Variants in NR5A2 observed in about 807,000 individuals in gnomAD.
NR5A2 encodes nuclear receptor subfamily 5 group A member 2, also known as CYP7A promoter-binding factor.
In NR5A2, 26 loss-of-function variants were observed where a neutral mutation model predicts 62.7. That is an observed-to-expected ratio of 0.41 (90% confidence interval 0.30 to 0.58). The LOEUF (loss-of-function observed/expected upper bound fraction) is 0.58. Among genes scored for constraint, NR5A2 ranks in the 20% least tolerant of loss-of-function variants. NR5A2 has a pLI of 0.22. For missense variants in NR5A2, 541 were observed against 669.1 expected, an observed-to-expected ratio of 0.81 and a Z score of 2.11; for synonymous variants, 246 against 241.7, an observed-to-expected ratio of 1.02 and a Z score of -0.16.
chr1:200,125,345 A>G (rs528887045), intron 7 of NR5A2, among the ~76,000 whole-genome samples: 2 of 152,324 alleles, frequency 1.3e-5, no homozygotes, highest in African/African-American at 4.8e-5. Context: ...AAAATGTTAT[A>G]TTTGTTCATC....
intron 6 of NR5A2, among the ~76,000 whole-genome samples, chr1:200,119,883 A>C (rs1414232643): frequency 1.3e-5 from 2 of 151,992 alleles, no homozygotes; most frequent in Non-Finnish European, 2.9e-5. Flanking sequence ...TGCTGGGATT[A>C]CAGGCATGAG....
chr1:200,097,820 T>G (rs1665171552), intron 5 of NR5A2, among the ~76,000 whole-genome samples: 1 of 152,166 alleles, frequency 6.6e-6, no homozygotes, highest in Non-Finnish European at 1.5e-5. Context: ...GCCTGCATAT[T>G]CTTCTCCTTT....
intron 7 of NR5A2, among the ~76,000 whole-genome samples, chr1:200,145,617 T>C (rs1312488173): frequency 1.3e-5 from 2 of 152,148 alleles, no homozygotes; most frequent in Non-Finnish European, 2.9e-5. Context: ...TAGGTTCTTA[T>C]GTTGCAGGTT....
At position 200,046,824 on chromosome 1, in the gene NR5A2, A is replaced by G. The variant is rs551080691; in HGVS notation, c.463+1240A>G. Among the ~76,000 whole-genome samples the G allele has an allele frequency of 3.3e-5, 5 of 152,340 alleles. No individual in the cohort carries two copies. In the East Asian group the frequency reaches 9.6e-4, roughly 29 times the overall value. Reference sequence around the variant, plus strand: ...CATGATGTCATTTAATTCCTTTTCAACAAAAATAATAAGGCTGCATTTCTT... The same window carrying G: ...CATGATGTCATTTAATTCCTTTTCAGCAAAAATAATAAGGCTGCATTTCTT... On this transcript the variant is annotated intron_variant, in intron 4 of 7. Transcript: ENST00000367362.
chr1:200,076,455 A>ATTTTT (rs11430284), intron 5 of NR5A2, among the ~76,000 whole-genome samples: 1 of 146,276 alleles, frequency 6.8e-6, no homozygotes. Context: ...ATGCCCAGGA[A>ATTTTT]TTTTTTTTTT....
intron 1 of NR5A2, among the ~76,000 whole-genome samples, chr1:200,034,404 T>C (rs1204231481): frequency 6.6e-6 from 1 of 152,128 alleles, no homozygotes; most frequent in Non-Finnish European, 1.5e-5. Flanking sequence ...CCCTGTTACA[T>C]TCTTCTAAGG....
chr1:200,173,071 T>C (rs1654254979), intron 7 of NR5A2, among the ~76,000 whole-genome samples: 1 of 152,174 alleles, frequency 6.6e-6, no homozygotes, highest in African/African-American at 2.4e-5. Flanking sequence ...CTATTGTCTG[T>C]GTGTGTGTTT....
chr1:200,105,196 G>GAATTC (rs1665589456), intron 5 of NR5A2, among the ~76,000 whole-genome samples: 1 of 152,224 alleles, frequency 6.6e-6, no homozygotes, highest in East Asian at 1.9e-4. Context: ...CTGGATGCAA[G>GAATTC]TGATCCTCCT....
At chr1:200,095,929 A>C (rs1665075759) in intron 5 of NR5A2, among the ~76,000 whole-genome samples, 2 of 152,196 alleles carry the variant, frequency 1.3e-5, no homozygotes, top group African/African-American at 4.8e-5. Flanking sequence ...GAAAAGTACT[A>C]CTAGATGGGC....
chr1:200,164,345 G>A (rs1335294725), intron 7 of NR5A2, among the ~76,000 whole-genome samples: 1 of 152,210 alleles, frequency 6.6e-6, no homozygotes, highest in Non-Finnish European at 1.5e-5. Context: ...GGGGCATCAG[G>A]AATTCGTTCT....
intron 6 of NR5A2, among the ~76,000 whole-genome samples, chr1:200,115,967 C>G (rs76785865): frequency 6.6e-6 from 1 of 151,876 alleles, no homozygotes; most frequent in East Asian, 1.9e-4. Flanking sequence ...CTTTTTCAGC[C>G]TCAGCCAGAA....
intron 5 of NR5A2, among the ~76,000 whole-genome samples, chr1:200,081,921 G>A (rs902502675): frequency 4.0e-5 from 6 of 151,802 alleles, no homozygotes. Context: ...ACTCATTAGT[G>A]TTCTGTTCTA....
chr1:200,133,212 TG>T, intron 7 of NR5A2, among the ~76,000 whole-genome samples: 1 of 152,268 alleles, frequency 6.6e-6, no homozygotes, highest in East Asian at 1.9e-4. Context: ...ACGTGGGGAA[TG>T]TACATTGCCT....
chr1:200,154,185 T>C (rs958492420), intron 7 of NR5A2, among the ~76,000 whole-genome samples: 10 of 152,220 alleles, frequency 6.6e-5, no homozygotes, highest in African/African-American at 2.4e-4. Flanking sequence ...CCTCAATATA[T>C]GTACCTTTCA....
chr1:200,056,583 C>T (rs1242223215), intron 5 of NR5A2, among the ~76,000 whole-genome samples: 1 of 152,034 alleles, frequency 6.6e-6, no homozygotes, highest in Non-Finnish European at 1.5e-5. Context: ...TTGCTTTATT[C>T]GTTGAGTATA....
At chr1:200,068,525 C>T (rs995850207) in intron 5 of NR5A2, among the ~76,000 whole-genome samples, 5 of 152,144 alleles carry the variant, frequency 3.3e-5, no homozygotes, top group Admixed American at 3.3e-4. Context: ...TACTTATTAG[C>T]CCAAGTCAGT....
At chr1:200,129,786 A>G (rs758422352) in intron 7 of NR5A2, among the ~76,000 whole-genome samples, 7 of 152,170 alleles carry the variant, frequency 4.6e-5, no homozygotes, top group Non-Finnish European at 1.0e-4. Flanking sequence ...TTGCAGGATC[A>G]CCTGATGATT....
chr1:200,098,526 A>C (rs113450577), intron 5 of NR5A2, among the ~76,000 whole-genome samples: 1 of 152,258 alleles, frequency 6.6e-6, no homozygotes, highest in Non-Finnish European at 1.5e-5. Context: ...TGAAAGAGGC[A>C]TAGTGAAAGA....
At chr1:200,134,185 A>G (rs1204852811) in intron 7 of NR5A2, among the ~76,000 whole-genome samples, 2 of 152,196 alleles carry the variant, frequency 1.3e-5, no homozygotes, top group East Asian at 3.8e-4. Flanking sequence ...TTAATTTATT[A>G]CTGAAGAAAG....
Sources: allele counts gnomAD v4.1 joint callset (sites outside exome capture counted in the v4.1 genomes callset), GRCh38; gene constraint gnomAD v4.1.1; transcripts MANE v1.5; gene names NCBI Gene and HGNC (gene_info 2026-07-23, HGNC 2026-07-21).